The following RASAL2 variants were observed in gnomAD, a reference collection of about 807,000 sequenced individuals.
RASAL2 encodes RAS protein activator like 2, also known as ras GTPase-activating protein nGAP.
A neutral mutation model predicts 128.9 loss-of-function variants in RASAL2; 58 were observed. That is an observed-to-expected ratio of 0.45 (90% CI 0.36 to 0.56). The LOEUF (loss-of-function observed/expected upper bound fraction) is 0.56. RASAL2 is among the 20% of genes least tolerant of loss of function. RASAL2 has a pLI of 0.00. For missense variants in RASAL2, 1,360 were observed against 1,601.6 expected, an observed-to-expected ratio of 0.85 and a Z score of 2.57; for synonymous variants, 561 against 580.8, an observed-to-expected ratio of 0.97 and a Z score of 0.49.
chr1:178,340,876 T>G (rs1483240045), intron 3 of RASAL2, among the ~76,000 whole-genome samples: 1 of 152,152 alleles, frequency 6.6e-6, no homozygotes, highest in African/African-American at 2.4e-5. Flanking sequence ...TCTGTATGAA[T>G]AAAGTATTAA....
At chr1:178,155,855 A>G (rs1226030269) in intron 1 of RASAL2, among the ~76,000 whole-genome samples, 1 of 152,166 alleles carries the variant, frequency 6.6e-6, no homozygotes, top group Non-Finnish European at 1.5e-5. Context: ...CCAAGTTGTT[A>G]CAGAGATTCT....
At chr1:178,240,259 T>C (rs1450406056) in intron 1 of RASAL2, among the ~76,000 whole-genome samples, 3 of 152,076 alleles carry the variant, frequency 2.0e-5, no homozygotes, top group Non-Finnish European at 4.4e-5. Context: ...ACCGCAGATA[T>C]TGTTATTAGT....
intron 1 of RASAL2, among the ~76,000 whole-genome samples, chr1:178,106,680 GA>G (rs879458911): frequency 3.9e-5 from 6 of 152,008 alleles, no homozygotes; most frequent in Non-Finnish European, 7.4e-5. Context: ...ACATGATTAA[GA>G]AAAAATGGTA....
chr1:178,177,797 A>G (rs1417233049), intron 1 of RASAL2, among the ~76,000 whole-genome samples: 2 of 152,200 alleles, frequency 1.3e-5, no homozygotes, highest in African/African-American at 4.8e-5. Flanking sequence ...TAGACCTACA[A>G]CTATAGTATA....
At chr1:178,372,222 A>G in intron 3 of RASAL2, 1 of 985,284 alleles carries the variant, frequency 1.0e-6, no homozygotes, top group Non-Finnish European at 1.2e-6. Context: ...TCTGTATGGA[A>G]AAGTTTTCTG....
chr1:178,184,653 GTC>G (rs1662228634), intron 1 of RASAL2, among the ~76,000 whole-genome samples: 1 of 151,960 alleles, frequency 6.6e-6, no homozygotes, highest in African/African-American at 2.4e-5. Flanking sequence ...TCTTTTTCCA[GTC>G]TCTCTATTCT....
chr1:178,144,320 A>G (rs1157137814), intron 1 of RASAL2, among the ~76,000 whole-genome samples: 2 of 152,208 alleles, frequency 1.3e-5, no homozygotes, highest in South Asian at 2.1e-4. Flanking sequence ...TTTGTGGGCT[A>G]ACAAAACATT....
chr1:178,464,446 C>T, intron 15 of RASAL2, 34 bp downstream of exon 15: 1 of 1,604,224 alleles, frequency 6.2e-7, no homozygotes, highest in African/African-American at 1.3e-5. Flanking sequence ...ACTTTCTGAT[C>T]CCAAAATGAC....
At chr1:178,214,946 A>T (rs1558119463) in intron 1 of RASAL2, among the ~76,000 whole-genome samples, 2 of 152,156 alleles carry the variant, frequency 1.3e-5, no homozygotes, top group Admixed American at 1.3e-4. Context: ...GGACATATTA[A>T]CTGTTTGCAT....
At chr1:178,244,274 G>A (rs558718430) in intron 1 of RASAL2, among the ~76,000 whole-genome samples, 2 of 151,696 alleles carry the variant, frequency 1.3e-5, no homozygotes, top group African/African-American at 2.4e-5. Context: ...AAGGAGTCTC[G>A]CTCTGTCACC....
chr1:178,423,865 C>T (rs554290553), intron 5 of RASAL2, among the ~76,000 whole-genome samples: 11 of 152,264 alleles, frequency 7.2e-5, no homozygotes, highest in African/African-American at 2.6e-4. Flanking sequence ...TTTGGAATAG[C>T]ACTTTTTATT....
At chr1:178,224,356 A>T (rs991095395) in intron 1 of RASAL2, among the ~76,000 whole-genome samples, 4 of 151,976 alleles carry the variant, frequency 2.6e-5, no homozygotes, top group Non-Finnish European at 1.5e-5. Flanking sequence ...TGGCCCTTCT[A>T]GACGTATCTT....
At chr1:178,245,269 C>T (rs1325213514) in intron 1 of RASAL2, among the ~76,000 whole-genome samples, 2 of 152,218 alleles carry the variant, frequency 1.3e-5, no homozygotes, top group South Asian at 2.1e-4. Context: ...GATCACCATT[C>T]TAACTGGCAT....
chr1:178,424,954 T>C (rs1557978898), intron 5 of RASAL2, among the ~76,000 whole-genome samples: 1 of 152,206 alleles, frequency 6.6e-6, no homozygotes, highest in Non-Finnish European at 1.5e-5. Flanking sequence ...GTGACAGTTA[T>C]GTACAAGCTA....
intron 11 of RASAL2, 69 bp downstream of exon 11, chr1:178,452,721 G>A: frequency 1.6e-6 from 2 of 1,286,314 alleles, no homozygotes; most frequent in Non-Finnish European, 2.2e-6. Flanking sequence ...AAATTTGGAT[G>A]AGGGTTGGGA....
chr1:178,272,973 A>AT (rs1666328581), intron 1 of RASAL2, among the ~76,000 whole-genome samples: 1 of 152,092 alleles, frequency 6.6e-6, no homozygotes, highest in Admixed American at 6.6e-5. Context: ...ACGACTTGGA[A>AT]TTTTTTTAAC....
chr1:178,405,209 G>GAT (rs1673923679), intron 4 of RASAL2, among the ~76,000 whole-genome samples: 1 of 152,130 alleles, frequency 6.6e-6, no homozygotes, highest in Non-Finnish European at 1.5e-5. Context: ...CCAACCTGAA[G>GAT]ATACATTTCC....
chr1:178,162,638 A>T lies in RASAL2; in HGVS notation c.202+67944A>T, dbSNP rs530147939. On this transcript the variant is annotated intron_variant, in intron 1 of 17. Transcript: ENST00000367649. ...TGAGTCTCTCTGTCACTCAGGCTGG[A>T]GTGCAGTGGCACGATCTCAGCTCAC... is the stretch of plus-strand genomic sequence containing the variant. 1.1e-4 allele frequency among the ~76,000 whole-genome samples: 16 copies of T among 148,316 alleles called. 1 individual carries two copies. Among genetic ancestry groups the T allele is most frequent in the Admixed American group, 4.8e-4 (7 of 14,472 alleles).
intron 3 of RASAL2, among the ~76,000 whole-genome samples, chr1:178,345,596 A>G (rs1379093800): frequency 6.6e-6 from 1 of 152,182 alleles, no homozygotes; most frequent in Non-Finnish European, 1.5e-5. Context: ...CTTTTTTGCT[A>G]AAATACTTCA....
Sources: allele counts gnomAD v4.1 joint callset (sites outside exome capture counted in the v4.1 genomes callset), GRCh38; gene constraint gnomAD v4.1.1; transcripts MANE v1.5; gene names NCBI Gene and HGNC (gene_info 2026-07-23, HGNC 2026-07-21).